Variants in COX10 observed in about 807,000 individuals in gnomAD.
COX10 encodes the protein protoheme IX farnesyltransferase, mitochondrial.
In COX10, 27 loss-of-function variants were observed where a neutral mutation model predicts 37.3. The ratio of observed to expected loss-of-function variants is 0.72; its 90% CI spans 0.53 to 1.00. COX10 has a LOEUF of 1.00. Among genes scored for constraint, COX10 ranks in the 50% least tolerant of loss-of-function variants. COX10 has a pLI of 0.00. For missense variants in COX10, 475 were observed against 563.2 expected (o/e 0.84, Z 1.59); for synonymous variants, 222 against 229.1 (o/e 0.97, Z 0.28).
intron 5 of COX10, chr17:14,177,410 C>A (rs1418934592): frequency 2.4e-6 from 1 of 425,094 alleles, no homozygotes; most frequent in East Asian, 3.5e-5. Context: ...TACTGGTCTT[C>A]CTGTTTTCCT....
chr17:14,127,980 G>A (rs1386295722), intron 4 of COX10, among the ~76,000 whole-genome samples: 2 of 150,004 alleles, frequency 1.3e-5, no homozygotes, highest in African/African-American at 2.4e-5. Flanking sequence ...TTAAATTACA[G>A]CATTGAACTT....
intron 4 of COX10, among the ~76,000 whole-genome samples, chr17:14,108,064 T>C (rs1915936002): frequency 6.6e-6 from 1 of 152,220 alleles, no homozygotes; most frequent in Non-Finnish European, 1.5e-5. Context: ...CATTTATATC[T>C]CTTTCCTAGA....
chr17:14,142,460 C>T (rs1443133548), intron 4 of COX10, among the ~76,000 whole-genome samples: 1 of 152,188 alleles, frequency 6.6e-6, no homozygotes, highest in African/African-American at 2.4e-5. Flanking sequence ...CATAGTCACA[C>T]ATCAACTACT....
At chr17:14,077,375 G>C (rs8077850) in intron 3 of COX10, 321,367 of 330,422 alleles carry the variant, frequency 0.97, 156,407 homozygotes, top group East Asian at 0.98. Context: ...TAAGATAATA[G>C]GTTTTGTCAA....
intron 4 of COX10, among the ~76,000 whole-genome samples, chr17:14,115,514 G>C (rs980738061): frequency 6.6e-6 from 1 of 152,076 alleles, no homozygotes; most frequent in East Asian, 1.9e-4. Flanking sequence ...ATTTGATCCA[G>C]CAATCCCACT....
intron 3 of COX10, among the ~76,000 whole-genome samples, chr17:14,094,559 T>C (rs907310533): frequency 1.3e-5 from 2 of 152,122 alleles, no homozygotes; most frequent in Non-Finnish European, 2.9e-5. Flanking sequence ...GTAAGTTTTG[T>C]TTTTATCATT....
chr17:14,092,105 T>C (rs1915540972), intron 3 of COX10, among the ~76,000 whole-genome samples: 1 of 152,142 alleles, frequency 6.6e-6, no homozygotes, highest in South Asian at 2.1e-4. Flanking sequence ...AGAAAAGCTC[T>C]TTGGTTCAAG....
At chr17:14,169,846 G>A (rs1905405834) in intron 5 of COX10, among the ~76,000 whole-genome samples, 1 of 152,206 alleles carries the variant, frequency 6.6e-6, no homozygotes, top group South Asian at 2.1e-4. Flanking sequence ...TTGGTGTTGG[G>A]AGGTAGGGTC....
Position 14,174,497 on chromosome 17 carries a change from G to A in COX10, c.695+14550G>A, listed in dbSNP as rs888852183. On this transcript the variant is annotated intron_variant, in intron 5 of 6. Transcript: ENST00000261643. ...AAAAGTGCGTGAAAGATTTAAATAG[G>A]CCCTACTCCAAAGAAGAAATACAGG... Among the ~76,000 whole-genome samples the A allele has an allele frequency of 2.3e-4, 34 of 149,572 alleles. 1 individual carries two copies. Among genetic ancestry groups the A allele is most frequent in the Non-Finnish European group, 1.5e-5 (1 of 67,658 alleles).
chr17:14,069,538 C>G lies in COX10; in HGVS notation c.-68C>G. 6.3e-7 allele frequency: 1 copy of G among 1,586,534 alleles called. No homozygotes were observed. Among genetic ancestry groups the G allele is most frequent in the Non-Finnish European group, 8.6e-7 (1 of 1,158,536 alleles). ...ACAGGGGGGCGGGGAAGGAAGATGG[C>G]GGCGCCCAGCGTCCCGTGAGGAGAG... is the stretch of plus-strand genomic sequence containing the variant. On this transcript the variant is annotated 5_prime_UTR_variant, in exon 1 of 7. Coordinates refer to ENST00000261643, the MANE Select transcript of COX10 (RefSeq NM_001303.4).
chr17:14,135,675 T>C (rs1207058554), intron 4 of COX10, among the ~76,000 whole-genome samples: 3 of 151,976 alleles, frequency 2.0e-5, no homozygotes, highest in African/African-American at 7.2e-5. Context: ...CATCGTTTTG[T>C]TTTCCAAAAA....
At chr17:14,118,265 A>G (rs1033065722) in intron 4 of COX10, among the ~76,000 whole-genome samples, 45 of 151,754 alleles carry the variant, frequency 3.0e-4, no homozygotes, top group African/African-American at 1.1e-3. Context: ...TAGAGCCCTC[A>G]CCAAGGACCC....
intron 6 of COX10, among the ~76,000 whole-genome samples, chr17:14,193,404 G>C (rs1191036031): frequency 1.3e-5 from 2 of 151,476 alleles, no homozygotes; most frequent in Admixed American, 1.3e-4. Flanking sequence ...GGCTCAATTT[G>C]GGATCTGTAT....
chr17:14,130,857 G>C (rs911914876), intron 4 of COX10, among the ~76,000 whole-genome samples: 2 of 151,876 alleles, frequency 1.3e-5, no homozygotes, highest in African/African-American at 4.8e-5. Flanking sequence ...GTCATCTCCT[G>C]TAGAGCCCTT....
At chr17:14,075,467 T>C (rs1915121271) in intron 2 of COX10, among the ~76,000 whole-genome samples, 1 of 152,184 alleles carries the variant, frequency 6.6e-6, no homozygotes, top group African/African-American at 2.4e-5. Flanking sequence ...GATATATCAG[T>C]TTATTTCTGA....
In COX10 at chr17:14,135,481, G is replaced by A. The variant is rs548216625; in HGVS notation, c.625-24396G>A. 2.0e-5 allele frequency among the ~76,000 whole-genome samples: 3 copies of A among 151,882 alleles called. No homozygotes were observed. In the South Asian group the frequency reaches 6.2e-4, roughly 32 times the overall value. Reference sequence around the variant, plus strand: ...ATGCAGATGCTTGTCTCCACTCCCGGATATTCTACTTTGGGTCAGAAGTGA... The same window carrying A: ...ATGCAGATGCTTGTCTCCACTCCCGAATATTCTACTTTGGGTCAGAAGTGA... On this transcript the variant is annotated intron_variant, in intron 4 of 6. Transcript: ENST00000261643.
chr17:14,106,637 G>T (rs189927364), intron 4 of COX10, among the ~76,000 whole-genome samples: 23 of 152,244 alleles, frequency 1.5e-4, no homozygotes, highest in African/African-American at 5.5e-4. Flanking sequence ...GTGTTAAAGT[G>T]CTCATCATTA....
At chr17:14,085,979 G>T (rs1915401059) in intron 3 of COX10, among the ~76,000 whole-genome samples, 1 of 152,106 alleles carries the variant, frequency 6.6e-6, no homozygotes, top group African/African-American at 2.4e-5. Flanking sequence ...ACGCTGAGTG[G>T]TGATTTGTAT....
chr17:14,093,021 G>A (rs983241741), intron 3 of COX10, among the ~76,000 whole-genome samples: 32 of 152,220 alleles, frequency 2.1e-4, no homozygotes, highest in African/African-American at 7.0e-4. Context: ...AGCTTTCCAC[G>A]TTAAACAGCT....
Sources: gnomAD v4.1 joint callset for allele counts (sites outside exome capture counted in the v4.1 genomes callset) on GRCh38, gnomAD v4.1.1 for gene constraint, MANE v1.5 for transcripts, NCBI Gene and HGNC (gene_info 2026-07-23, HGNC 2026-07-21) for gene names.